Variants in FOXN4 observed in about 807,000 individuals in gnomAD.
FOXN4 encodes the protein forkhead box protein N4.
In FOXN4, 12 loss-of-function variants were observed where a neutral mutation model predicts 45.0. The observed-to-expected ratio is 0.27, with a 90% CI of 0.17 to 0.43. The LOEUF is 0.43. FOXN4 is among the 20% of genes least tolerant of loss of function. The probability of loss-of-function intolerance (pLI) is 1.00; values close to 1 mark genes in which losing one functional copy is unlikely to be tolerated. For synonymous variants in FOXN4, 297 were observed against 295.0 expected (o/e 1.01, Z -0.07); for missense variants, 560 against 694.9 (o/e 0.81, Z 2.18).
chr12:109,304,072 T>C (rs1460060974), intron 2 of FOXN4, among the ~76,000 whole-genome samples: 1 of 150,884 alleles, frequency 6.6e-6, no homozygotes, highest in African/African-American at 2.4e-5. Context: ...GCGTCTGTAA[T>C]CCCAGCTACT....
At chr12:109,308,088 C>A in intron 2 of FOXN4, 148 bp downstream of exon 2, 1 of 667,582 alleles carries the variant, frequency 1.5e-6, no homozygotes, top group Non-Finnish European at 2.4e-6. Flanking sequence ...GCAAGACCAA[C>A]ATTGAAATCA....
chr12:109,298,640 G>A (rs1408792465), intron 2 of FOXN4, among the ~76,000 whole-genome samples: 1 of 152,162 alleles, frequency 6.6e-6, no homozygotes, highest in African/African-American at 2.4e-5. Context: ...TGGGATTACA[G>A]GTGTGAGCCA....
intron 2 of FOXN4, among the ~76,000 whole-genome samples, chr12:109,294,449 C>T (rs1485426604): frequency 1.3e-5 from 2 of 152,076 alleles, no homozygotes; most frequent in African/African-American, 4.8e-5. Context: ...GCTGTACATG[C>T]TTGGGGTCGA....
In FOXN4 at chr12:109,280,071, G is replaced by C. The variant is rs937690598; in HGVS notation, c.1295-141C>G. ...AGAAAAAGGGCATGGGGCCGGGCCT[G>C]GTGGCTCAAGCCTGTAATCCCAGCA... On this transcript the variant is annotated intron_variant, in intron 9 of 9. Coordinates refer to ENST00000299162, the MANE Select transcript of FOXN4 (RefSeq NM_213596.3). 17 of 1,215,646 alleles carry C rather than the reference G, an allele frequency of 1.4e-5. No individual in the cohort carries two copies. The African/African-American group carries it at 2.4e-4, about 17-fold the overall frequency. 75.3% of individuals were successfully genotyped at this position (1,215,646 alleles called of 1,614,324 possible). A position where few individuals can be genotyped will look rare whatever the true frequency, so the allele number is the denominator to read the frequency against.
chr12:109,287,730 A>C lies in FOXN4; in HGVS notation c.468+114T>G. 1 of 1,136,126 alleles carries C rather than the reference A, an allele frequency of 8.8e-7. No individual in the cohort carries two copies. Among genetic ancestry groups the C allele is most frequent in the Non-Finnish European group, 1.2e-6 (1 of 820,300 alleles). 70.4% of individuals were successfully genotyped at this position (1,136,126 alleles called of 1,614,324 possible). Reference sequence around the variant, plus strand: ...GAATGACCCCATGACATGAGCATGGAGGGAATGTTATCCCCATGTGCTGGG... The same window carrying C: ...GAATGACCCCATGACATGAGCATGGCGGGAATGTTATCCCCATGTGCTGGG... On this transcript the variant is annotated intron_variant, in intron 5 of 9. Coordinates refer to ENST00000299162, the MANE Select transcript of FOXN4 (RefSeq NM_213596.3). This position sits in a 1 kb window ranked among gnomAD's most constrained non-coding sequence, Gnocchi z 4.1.
rs539950811 is a variant in FOXN4, at chr12:109,307,232, C to CG, written c.86+1003dup. On this transcript the variant is annotated intron_variant, in intron 2 of 9. Coordinates refer to ENST00000299162, the MANE Select transcript of FOXN4 (RefSeq NM_213596.3). ...CACTCCTGGTGAGTTGCAGTGACCCCGGGGGGGCCAGACAAACCCTGGGTA... is the reference window on the plus strand; with the variant it reads ...CACTCCTGGTGAGTTGCAGTGACCCCGGGGGGGGCCAGACAAACCCTGGGTA... Among the ~76,000 whole-genome samples, 5 of 152,174 alleles carry CG rather than the reference C, an allele frequency of 3.3e-5. No homozygotes were observed. The South Asian group carries it at 6.2e-4, about 19-fold the overall frequency.
At position 109,281,496 on chromosome 12, in the gene FOXN4, C is replaced by T. The variant is rs748624728; in HGVS notation, c.1205G>A (p.Arg402Lys). Residue 402 changes from arginine (R) to lysine (K), a missense_variant, in exon 9 of 10, where the codon AGG becomes AAG. This residue lies in a region of FOXN4 where 315 missense variants were observed against 350.5 expected (regional missense o/e 0.90). Coordinates refer to ENST00000299162, the MANE Select transcript of FOXN4 (RefSeq NM_213596.3). ...GATGTTGATGAAGTCTACAGGAGCC[C>T]TTCCCATGGCGGGGTGGGGGAGCGG... ...PSPLPHPAMGRAPVDFINIST... is the reference protein window; with the variant it reads ...PSPLPHPAMGKAPVDFINIST... 6.2e-7 allele frequency: 1 copy of T among 1,613,994 alleles called. No individual in the cohort carries two copies. Among genetic ancestry groups the T allele is most frequent in the Non-Finnish European group, 8.5e-7 (1 of 1,179,880 alleles).
chr12:109,298,454 C>T (rs992127566), intron 2 of FOXN4, among the ~76,000 whole-genome samples: 2 of 151,776 alleles, frequency 1.3e-5, no homozygotes, highest in African/African-American at 4.8e-5. Context: ...CTCCGCCTCC[C>T]GGGTTCAAGG....
rs1312900747 is a variant in FOXN4, at chr12:109,279,568, G to A, written c.*103C>T. On this transcript the variant is annotated 3_prime_UTR_variant, in exon 10 of 10. Transcript: ENST00000299162. The stretch of plus-strand genomic sequence containing the variant: ...CAACTTCGCCACAGGTCCAGGAGAG[G>A]CTTCGGGGACAATGAGGGACCTGCC... The A allele has an allele frequency of 7.4e-6, 11 of 1,494,522 alleles. No homozygotes were observed. The highest frequency in any genetic ancestry group is 9.0e-6 in the Non-Finnish European group (10 of 1,114,502). 92.6% of individuals were successfully genotyped at this position (1,494,522 alleles called of 1,614,324 possible).
At position 109,305,500 on chromosome 12, in the gene FOXN4, GCAAGTGGA is replaced by G. The variant is rs2047913479; in HGVS notation, c.86+2728_86+2735del. Among the ~76,000 whole-genome samples the G allele has an allele frequency of 9.9e-5, 15 of 152,280 alleles. No homozygotes were observed. In the South Asian group the frequency reaches 3.1e-3, roughly 32 times the overall value. On this transcript the variant is annotated intron_variant, in intron 2 of 9. Transcript: ENST00000299162. ...CCCAGCACTTTGGAGGGAGGTCGAG[GCAAGTGGA>G]TCACTTGAGGTCAGGAGTTTGAGAC... is the stretch of plus-strand genomic sequence containing the variant.
Position 109,279,573 on chromosome 12 carries a change from G to T in FOXN4, c.*98C>A. The T allele has an allele frequency of 6.6e-7, 1 of 1,504,216 alleles. No homozygotes were observed. The allele number at this position is 1,504,216 out of a possible 1,614,324, so 93.2% of individuals were successfully genotyped here. ...TCGCCACAGGTCCAGGAGAGGCTTCGGGGACAATGAGGGACCTGCCTTCTG... is the reference window on the plus strand; with the variant it reads ...TCGCCACAGGTCCAGGAGAGGCTTCTGGGACAATGAGGGACCTGCCTTCTG... On this transcript the variant is annotated 3_prime_UTR_variant, in exon 10 of 10. Transcript: ENST00000299162.
intron 2 of FOXN4, among the ~76,000 whole-genome samples, chr12:109,293,405 A>G (rs950691877): frequency 6.6e-6 from 1 of 152,090 alleles, no homozygotes; most frequent in Non-Finnish European, 1.5e-5. Flanking sequence ...CCAGTCCTGC[A>G]CTGTCTAGTT....
chr12:109,307,298 C>A (rs1216508714), intron 2 of FOXN4, among the ~76,000 whole-genome samples: 1 of 152,154 alleles, frequency 6.6e-6, no homozygotes, highest in Non-Finnish European at 1.5e-5. Flanking sequence ...CTTCCCAGGC[C>A]AGCCCTGGTC....
Position 109,278,829 on chromosome 12 carries a change from T to C in FOXN4, c.*842A>G, listed in dbSNP as rs536295708. 5.3e-5 allele frequency: 8 copies of C among 152,314 alleles called. 3 individuals carry two copies. The highest frequency in any genetic ancestry group is 1.9e-4 in the African/African-American group (8 of 41,560). 9.4% of individuals were successfully genotyped at this position (152,314 alleles called of 1,614,324 possible). ...GGATGTTTCACAGTATCAACAGTGC[T>C]TGCTGGTTCTAAAAAGTAGCCCCAG... On this transcript the variant is annotated 3_prime_UTR_variant, in exon 10 of 10. Coordinates refer to ENST00000299162, the MANE Select transcript of FOXN4 (RefSeq NM_213596.3).
chr12:109,308,345 A>G (rs1471847165), intron 1 of FOXN4, 21 bp from the exon 2 acceptor site: 2 of 1,533,006 alleles, frequency 1.3e-6, no homozygotes, highest in Non-Finnish European at 1.8e-6. Flanking sequence ...GACAAGCAGA[A>G]AACAAAGCTC....
intron 9 of FOXN4, 127 bp downstream of exon 9, chr12:109,281,280 G>T: frequency 2.3e-6 from 3 of 1,328,710 alleles, no homozygotes; most frequent in Admixed American, 2.3e-5. Flanking sequence ...AACTTGTAAA[G>T]GTTGTTGCTA....
intron 2 of FOXN4, among the ~76,000 whole-genome samples, chr12:109,299,888 C>G (rs972363694): frequency 4.6e-5 from 7 of 152,230 alleles, no homozygotes; most frequent in Admixed American, 3.3e-4. Flanking sequence ...AGCCCCGGGT[C>G]CCCCTTTGCT....
intron 2 of FOXN4, among the ~76,000 whole-genome samples, chr12:109,298,655 G>A (rs961200378): frequency 6.6e-6 from 1 of 152,080 alleles, no homozygotes; most frequent in Admixed American, 6.5e-5. Context: ...GAGCCACCAC[G>A]CCCAGCCCTT....
At chr12:109,305,197 G>C (rs2047910282) in intron 2 of FOXN4, among the ~76,000 whole-genome samples, 1 of 152,168 alleles carries the variant, frequency 6.6e-6, no homozygotes, top group Non-Finnish European at 1.5e-5. Flanking sequence ...GTGCCATCTT[G>C]TTAAGCCATT....
Sources: allele counts gnomAD v4.1 joint callset (sites outside exome capture counted in the v4.1 genomes callset), GRCh38; gene constraint gnomAD v4.1.1; regional missense constraint gnomAD v4.1.1; non-coding constraint Gnocchi (gnomAD v3.1); transcripts MANE v1.5; gene names NCBI Gene and HGNC (gene_info 2026-07-23, HGNC 2026-07-21).